The following USP43 variants were observed in gnomAD, a reference collection of about 807,000 sequenced individuals.
USP43 encodes the protein ubiquitin specific peptidase 43, also known as ubiquitin carboxyl-terminal hydrolase 43.
Under a neutral mutation model 90.7 loss-of-function variants are expected in USP43, and 33 were observed. The observed-to-expected ratio is 0.36, with a 90% CI of 0.28 to 0.49. The LOEUF is 0.49. USP43 is among the 20% of genes least tolerant of loss of function. USP43 has a pLI of 0.98. For synonymous variants in USP43, 598 were observed against 615.8 expected, an observed-to-expected ratio of 0.97 and a Z score of 0.43; for missense variants, 1,274 against 1,476.4, an observed-to-expected ratio of 0.86 and a Z score of 2.25.
At chr17:9,712,451 G>A (rs1169706002) in intron 14 of USP43, among the ~76,000 whole-genome samples, 1 of 152,174 alleles carries the variant, frequency 6.6e-6, no homozygotes, top group African/African-American at 2.4e-5. Flanking sequence ...CAGGCCCGGG[G>A]TGGAGGAGGG....
intron 3 of USP43, among the ~76,000 whole-genome samples, chr17:9,667,703 A>T (rs1303283766): frequency 1.3e-5 from 2 of 152,210 alleles, no homozygotes; most frequent in Non-Finnish European, 2.9e-5. Flanking sequence ...GAATGAGCAC[A>T]GTGGTCGGGA....
chr17:9,715,785 C>CTG (rs1234900494), intron 14 of USP43, among the ~76,000 whole-genome samples: 14 of 130,114 alleles, frequency 1.1e-4, no homozygotes, highest in African/African-American at 4.3e-4. Flanking sequence ...ATGTGTGTGT[C>CTG]TCTGTGTGTG....
chr17:9,705,681 G>T (rs923102704), intron 12 of USP43, among the ~76,000 whole-genome samples: 14 of 150,290 alleles, frequency 9.3e-5, no homozygotes, highest in Non-Finnish European at 1.9e-4. Context: ...CTTGAACCCA[G>T]AGGTGGAGAT....
At chr17:9,722,811 AT>A (rs1180246891) in intron 14 of USP43, among the ~76,000 whole-genome samples, 2 of 152,028 alleles carry the variant, frequency 1.3e-5, no homozygotes, top group Non-Finnish European at 2.9e-5. Flanking sequence ...AAACTCTTAG[AT>A]TTTGCTGACA....
intron 8 of USP43, among the ~76,000 whole-genome samples, chr17:9,688,357 GT>G (rs11348983): frequency 0.34 from 46,570 of 138,002 alleles, 8,647 homozygotes; most frequent in East Asian, 0.64. Flanking sequence ...CTCCTGTCCT[GT>G]TTTTTTTTTT....
At chr17:9,702,513 G>A (rs935150960) in intron 12 of USP43, among the ~76,000 whole-genome samples, 8 of 152,156 alleles carry the variant, frequency 5.3e-5, no homozygotes, top group African/African-American at 1.7e-4. Context: ...TATTCTATGG[G>A]GTACTTTTCA....
chr17:9,683,208 C>T (rs1344362010), intron 7 of USP43, among the ~76,000 whole-genome samples: 1 of 152,150 alleles, frequency 6.6e-6, no homozygotes, highest in East Asian at 1.9e-4. Flanking sequence ...GCCTTCACCA[C>T]TGTTATTTTA....
chr17:9,664,492 C>T (rs1912870924), intron 2 of USP43, among the ~76,000 whole-genome samples: 1 of 152,130 alleles, frequency 6.6e-6, no homozygotes, highest in Non-Finnish European at 1.5e-5. Flanking sequence ...TATATATAGA[C>T]AGGTGCACGA....
chr17:9,693,377 A>C, intron 9 of USP43, 147 bp downstream of exon 9: 1 of 686,754 alleles, frequency 1.5e-6, no homozygotes, highest in Non-Finnish European at 2.5e-6. Flanking sequence ...ATGTTAGGTC[A>C]TTGGGCATGT....
rs371675908 is a variant in USP43, at chr17:9,728,796, G to C, written c.3178G>C (p.Glu1060Gln). The C allele has an allele frequency of 5.0e-6, 8 of 1,611,340 alleles. No individual in the cohort carries two copies. In the African/African-American group the frequency reaches 8.0e-5, roughly 16 times the overall value. The change falls in exon 15 of 15, where the codon GAG becomes CAG. Residue 1060 changes from glutamate (E) to glutamine (Q), a missense_variant. Around this residue, in one of 6 missense-constraint regions of USP43, gnomAD observed 353 missense variants for 329.7 expected, o/e 1.07. Transcript: ENST00000285199. This position sits in a 1 kb window ranked among gnomAD's most constrained non-coding sequence, Gnocchi z 6.2. Reference protein sequence around the residue: ...GLARGLGSRLERDVWSAPSSL... With the variant: ...GLARGLGSRLQRDVWSAPSSL... The stretch of plus-strand genomic sequence containing the variant: ...GGCCAGGGGCCTGGGCAGCCGGCTC[G>C]AGAGGGATGTCTGGTCAGCCCCCAG...
chr17:9,645,481 G>T (rs534936657), upstream of USP43: 2,203 of 726,678 alleles, frequency 3.0e-3, 8 homozygotes, highest in South Asian at 7.6e-3. This position sits in a 1 kb window ranked among gnomAD's most constrained non-coding sequence, Gnocchi z 6.8. Flanking sequence ...GGGCGGGGCT[G>T]CCCCGCCCTT....
At chr17:9,719,446 G>A (rs540743549) in intron 14 of USP43, among the ~76,000 whole-genome samples, 44 of 152,186 alleles carry the variant, frequency 2.9e-4, no homozygotes, top group African/African-American at 9.1e-4. Context: ...CATTTTACTC[G>A]CATTCTCTAA....
chr17:9,666,550 G>T, intron 2 of USP43, 98 bp from the exon 3 acceptor site: 1 of 933,006 alleles, frequency 1.1e-6, no homozygotes, highest in South Asian at 1.4e-5. Context: ...AGAAAGGGAT[G>T]ATGCGGGCCC....
chr17:9,678,443 G>A lies in USP43; in HGVS notation c.969+1562G>A, dbSNP rs1913931061. 3.3e-5 allele frequency among the ~76,000 whole-genome samples: 5 copies of A among 152,122 alleles called. 1 individual carries two copies. The South Asian group carries it at 6.2e-4, about 19-fold the overall frequency. On this transcript the variant is annotated intron_variant, in intron 5 of 14. Coordinates refer to ENST00000285199, the MANE Select transcript of USP43 (RefSeq NM_153210.5). ...ACGATCTCGGCTCACTGCAACCTCC[G>A]CCTCCCAGGTTCAAGCGATTCTCCT...
chr17:9,686,593 G>A lies in USP43; in HGVS notation c.1242-205G>A, dbSNP rs538539572. 1.4e-4 allele frequency among the ~76,000 whole-genome samples: 22 copies of A among 152,218 alleles called. No individual in the cohort carries two copies. The highest frequency in any genetic ancestry group is 3.9e-4 in the East Asian group (2 of 5,180). Reference sequence around the variant, plus strand: ...ATTTTTTCATATGCCTGTTGGCTACGTGTGTCATTTTGAGAAATGTCTATT... The same window carrying A: ...ATTTTTTCATATGCCTGTTGGCTACATGTGTCATTTTGAGAAATGTCTATT... On this transcript the variant is annotated intron_variant, in intron 7 of 14. Coordinates refer to ENST00000285199, the MANE Select transcript of USP43 (RefSeq NM_153210.5). This position sits in a 1 kb window ranked among gnomAD's most constrained non-coding sequence, Gnocchi z 5.5.
intron 9 of USP43, among the ~76,000 whole-genome samples, chr17:9,693,525 C>A (rs1237976054): frequency 6.6e-6 from 1 of 151,974 alleles, no homozygotes; most frequent in East Asian, 1.9e-4. Flanking sequence ...AAATTTGAAC[C>A]CAGATTGATC....
intron 3 of USP43, among the ~76,000 whole-genome samples, chr17:9,670,526 C>T (rs1913340527): frequency 6.6e-6 from 1 of 152,068 alleles, no homozygotes; most frequent in Non-Finnish European, 1.5e-5. Flanking sequence ...TCCATTAGTC[C>T]TTCCACCCCA....
intron 14 of USP43, among the ~76,000 whole-genome samples, chr17:9,715,506 A>T (rs1916452536): frequency 6.6e-6 from 1 of 151,934 alleles, no homozygotes; most frequent in South Asian, 2.1e-4. Context: ...ATGTCTGTGT[A>T]TGTGTGTTTG....
chr17:9,716,071 ATTG>A (rs1214511761), intron 14 of USP43, among the ~76,000 whole-genome samples: 1 of 132,664 alleles, frequency 7.5e-6, no homozygotes, highest in African/African-American at 3.0e-5. Flanking sequence ...TTGTGTGTGT[ATTG>A]TTTGTGCCTG....
Sources: gnomAD v4.1 joint callset for allele counts (sites outside exome capture counted in the v4.1 genomes callset) on GRCh38, gnomAD v4.1.1 for gene constraint, gnomAD v4.1.1 regional missense constraint, Gnocchi (gnomAD v3.1) non-coding constraint, MANE v1.5 for transcripts, NCBI Gene and HGNC (gene_info 2026-07-23, HGNC 2026-07-21) for gene names.